Variants in ADAMTS20 observed in about 807,000 individuals in gnomAD.
The protein encoded by ADAMTS20 is A disintegrin and metalloproteinase with thrombospondin motifs 20.
ADAMTS20 carries 225 observed loss-of-function variants against 260.1 expected under a neutral mutation model. That is an observed-to-expected ratio of 0.87 (90% confidence interval 0.78 to 0.97). The LOEUF (loss-of-function observed/expected upper bound fraction) is 0.97, where lower values mean the gene tolerates loss of function less well. Among genes scored for constraint, ADAMTS20 ranks in the 50% least tolerant of loss-of-function variants. ADAMTS20 has a pLI of 0.00. For missense variants in ADAMTS20, 2,400 were observed against 2,337.7 expected (o/e 1.03, Z -0.55); for synonymous variants, 802 against 769.5 (o/e 1.04, Z -0.70).
rs780618908 is a variant in ADAMTS20, at chr12:43,375,367, T to C, written c.5446+12A>G. 1.2e-6 allele frequency: 2 copies of C among 1,610,344 alleles called. No homozygotes were observed. Among genetic ancestry groups the C allele is most frequent in the Admixed American group, 1.7e-5 (1 of 59,052 alleles). On this transcript the variant is annotated intron_variant, in intron 36 of 38. Coordinates refer to ENST00000389420, the MANE Select transcript of ADAMTS20 (RefSeq NM_025003.5). The stretch of plus-strand genomic sequence containing the variant: ...AGGCTTTTTGATTTTAAAATATAGA[T>C]TGAGCACTTACTTTTAATTTGCATG...
At chr12:43,548,626 G>A (rs7953764) in intron 2 of ADAMTS20, among the ~76,000 whole-genome samples, 106,954 of 151,946 alleles carry the variant, frequency 0.7, 37,915 homozygotes, top group East Asian at 0.99. Flanking sequence ...GCTAATATCC[G>A]TTTTAGTGCT....
At chr12:43,436,951 T>G (rs1297687401) in intron 18 of ADAMTS20, among the ~76,000 whole-genome samples, 1 of 152,186 alleles carries the variant, frequency 6.6e-6, no homozygotes, top group Non-Finnish European at 1.5e-5. Context: ...ATGACCAAAT[T>G]ACTCTATAAT....
chr12:43,500,324 G>A (rs549377821), intron 4 of ADAMTS20, among the ~76,000 whole-genome samples: 20 of 152,148 alleles, frequency 1.3e-4, no homozygotes, highest in African/African-American at 4.1e-4. Context: ...CCACTACGCC[G>A]AGCCCCAACT....
chr12:43,435,598 A>T (rs1018555322), intron 18 of ADAMTS20, among the ~76,000 whole-genome samples: 10 of 147,284 alleles, frequency 6.8e-5, no homozygotes, highest in African/African-American at 2.5e-4. Flanking sequence ...CCGAGATCGC[A>T]CCACTGCACT....
At chr12:43,453,876 C>A (rs1360460385) in intron 12 of ADAMTS20, 31 bp downstream of exon 12, 1 of 1,562,286 alleles carries the variant, frequency 6.4e-7, no homozygotes, top group Non-Finnish European at 8.7e-7. Flanking sequence ...TTGAGATAAT[C>A]TTAATTTATA....
intron 2 of ADAMTS20, among the ~76,000 whole-genome samples, chr12:43,543,116 A>G (rs1349297435): frequency 6.6e-6 from 1 of 152,170 alleles, no homozygotes; most frequent in South Asian, 2.1e-4. Context: ...TCTGGTCAAC[A>G]TAGGGGAACA....
rs1015727828 is a variant in ADAMTS20, at chr12:43,432,166, T to C, written c.3096+138A>G. 99 of 1,018,728 alleles carry C rather than the reference T, an allele frequency of 9.7e-5. 1 individual carries two copies. Among genetic ancestry groups the C allele is most frequent in the Non-Finnish European group, 1.3e-4 (92 of 717,454 alleles). 63.1% of individuals were successfully genotyped at this position (1,018,728 alleles called of 1,614,324 possible). A position where few individuals can be genotyped will look rare whatever the true frequency, so the allele number is the denominator to read the frequency against. ...CTGTGTGCCTGGCCTGTCTTATAAATTTCTGACAGCTTTGATAATAGTTAT... is the reference window on the plus strand; with the variant it reads ...CTGTGTGCCTGGCCTGTCTTATAAACTTCTGACAGCTTTGATAATAGTTAT... On this transcript the variant is annotated intron_variant, in intron 21 of 38. Coordinates refer to ENST00000389420, the MANE Select transcript of ADAMTS20 (RefSeq NM_025003.5).
Position 43,375,475 on chromosome 12 carries a change from T to C in ADAMTS20, c.5350A>G (p.Arg1784Gly), listed in dbSNP as rs779198704. 6.2e-7 allele frequency: 1 copy of C among 1,613,254 alleles called. No individual in the cohort carries two copies. The highest frequency in any genetic ancestry group is 2.2e-5 in the East Asian group (1 of 44,826). ...TTGTCACATTCACAGTCTTCCCTTC[T>C]ACTCCCATTAAAAGGACATTGATAT... ...NPYQCPFNGSRREDCECDNGH... is the reference protein window; with the variant it reads ...NPYQCPFNGSGREDCECDNGH... Residue 1784 changes from arginine (R) to glycine (G), a missense_variant, in exon 36 of 39, where the codon AGA becomes GGA. By Grantham distance (125) the Arg-to-Gly change is moderately radical. Coordinates refer to ENST00000389420, the MANE Select transcript of ADAMTS20 (RefSeq NM_025003.5).
Position 43,446,627 on chromosome 12 carries a change from G to T in ADAMTS20, c.2165C>A (p.Thr722Lys), listed in dbSNP as rs1941765687. 1.9e-6 allele frequency: 3 copies of T among 1,613,250 alleles called. No homozygotes were observed. Among genetic ancestry groups the T allele is most frequent in the Non-Finnish European group, 2.5e-6 (3 of 1,179,480 alleles). Reference sequence around the variant, plus strand: ...AGAACTGTTGAAGACACCTGTTATTGTCTTGCATGAAGAGTTGTCCCCACC... The same window carrying T: ...AGAACTGTTGAAGACACCTGTTATTTTCTTGCATGAAGAGTTGTCCCCACC... Reference protein sequence around the residue: ...VCGGDNSSCKTITGVFNSSHY... With the variant: ...VCGGDNSSCKKITGVFNSSHY... Residue 722 changes from threonine to lysine, a missense_variant, in exon 15 of 39, where the codon ACA (threonine) becomes AAA (lysine). Transcript: ENST00000389420.
At chr12:43,470,457 G>A (rs145623783) in intron 7 of ADAMTS20, among the ~76,000 whole-genome samples, 12 of 152,234 alleles carry the variant, frequency 7.9e-5, no homozygotes, top group South Asian at 2.1e-4. Context: ...AAATATTCCC[G>A]TAAGCAGGCA....
chr12:43,523,002 CT>C (rs748086622), intron 3 of ADAMTS20, among the ~76,000 whole-genome samples: 6 of 152,174 alleles, frequency 3.9e-5, no homozygotes, highest in Non-Finnish European at 8.8e-5. Context: ...AAAGATATCA[CT>C]TTTCCTTTTC....
At position 43,376,278 on chromosome 12, in the gene ADAMTS20, C is replaced by T; in HGVS notation, c.5178G>A (p.Lys1726=). The change falls in exon 34 of 39, where the codon AAG becomes AAA. Residue 1726 remains lysine (K), a synonymous_variant. Transcript: ENST00000389420. ...KEIQVKNHIR[K]DGDYYLNIKG... The stretch of plus-strand genomic sequence containing the variant: ...TAATGTTAAGGTAATAGTCACCATC[C>T]TTTCTAATGTGGTTTTTCACTTGAA... 2 of 1,555,854 alleles carry T rather than the reference C, an allele frequency of 1.3e-6. No homozygotes were observed. The highest frequency in any genetic ancestry group is 1.7e-6 in the Non-Finnish European group (2 of 1,148,404).
At chr12:43,458,972 G>A (rs1942012989) in intron 11 of ADAMTS20, among the ~76,000 whole-genome samples, 1 of 152,148 alleles carries the variant, frequency 6.6e-6, no homozygotes. Flanking sequence ...TAAAGAAATA[G>A]CCAATCATCT....
At chr12:43,369,162 C>T (rs770750547) in intron 37 of ADAMTS20, 128 bp downstream of exon 37, 16 of 496,074 alleles carry the variant, frequency 3.2e-5, no homozygotes, top group Admixed American at 1.3e-4. Context: ...TGAAACAAAG[C>T]GCATATGTGA....
chr12:43,550,930 G>C lies in ADAMTS20; in HGVS notation c.432C>G (p.Val144=). ...QVNSQEDYKA[V]VSLCGGLTGT... ...TCACCAGGCCTCCGCATAAGCTGAC[G>C]ACGGCCTTGTAATCCTCCTGTGAGT... Residue 144 remains valine, a synonymous_variant, in exon 2 of 39, where the codon GTC becomes GTG. Coordinates refer to ENST00000389420, the MANE Select transcript of ADAMTS20 (RefSeq NM_025003.5). The C allele has an allele frequency of 6.3e-7, 1 of 1,575,108 alleles. No individual in the cohort carries two copies. Among genetic ancestry groups the C allele is most frequent in the Non-Finnish European group, 8.6e-7 (1 of 1,156,790 alleles).
At chr12:43,525,040 G>T (rs1943122821) in intron 3 of ADAMTS20, among the ~76,000 whole-genome samples, 1 of 152,060 alleles carries the variant, frequency 6.6e-6, no homozygotes, top group African/African-American at 2.4e-5. Context: ...ACTCCTGGGA[G>T]ACTTATTGCA....
In ADAMTS20 at chr12:43,551,819, C is replaced by G. The variant is rs1158684406; in HGVS notation, c.91+12G>C. 1.2e-6 allele frequency: 2 copies of G among 1,612,908 alleles called. No individual in the cohort carries two copies. The highest frequency in any genetic ancestry group is 2.2e-5 in the East Asian group (1 of 44,710). On this transcript the variant is annotated intron_variant, in intron 1 of 38. Coordinates refer to ENST00000389420, the MANE Select transcript of ADAMTS20 (RefSeq NM_025003.5). This position sits in a 1 kb window ranked among gnomAD's most constrained non-coding sequence, Gnocchi z 4.6. ...CCACTTAGCCGCTGAAGGCGTCTCG[C>G]GGTGACTTTACCTTGCCTGGGGTGG...
At chr12:43,393,286 T>TA (rs1940633824) in intron 29 of ADAMTS20, among the ~76,000 whole-genome samples, 1 of 152,054 alleles carries the variant, frequency 6.6e-6, no homozygotes, top group Non-Finnish European at 1.5e-5. Context: ...AAAATCCAGG[T>TA]AATGAATGTA....
chr12:43,428,978 C>T (rs1228148897), intron 24 of ADAMTS20, among the ~76,000 whole-genome samples, 179 bp from the exon 25 acceptor site: 2 of 151,870 alleles, frequency 1.3e-5, no homozygotes, highest in Non-Finnish European at 2.9e-5. Flanking sequence ...AGTGAATATT[C>T]CAATCAGTTT....
Sources: gnomAD v4.1 joint callset for allele counts (sites outside exome capture counted in the v4.1 genomes callset) on GRCh38, gnomAD v4.1.1 for gene constraint, Gnocchi (gnomAD v3.1) non-coding constraint, MANE v1.5 for transcripts, NCBI Gene and HGNC (gene_info 2026-07-23, HGNC 2026-07-21) for gene names.